Variants in ZNF385B observed in about 807,000 individuals in gnomAD.
ZNF385B encodes the protein zinc finger protein 533.
Under a neutral mutation model 39.2 loss-of-function variants are expected in ZNF385B, and 23 were observed. The ratio of observed to expected loss-of-function variants is 0.59; its 90% CI spans 0.42 to 0.83. The LOEUF (loss-of-function observed/expected upper bound fraction) is 0.83. Among genes scored for constraint, ZNF385B ranks in the 40% least tolerant of loss-of-function variants. The probability of loss-of-function intolerance (pLI) is 0.00; values close to 1 mark genes in which losing one functional copy is unlikely to be tolerated. For synonymous variants in ZNF385B, 205 were observed against 222.6 expected (o/e 0.92, Z 0.70); for missense variants, 552 against 598.9 (o/e 0.92, Z 0.82).
rs79614638 is a variant in ZNF385B, at chr2:179,604,798, A to G, written c.299-59829T>C. 8.4e-3 allele frequency among the ~76,000 whole-genome samples: 1,283 copies of G among 152,236 alleles called. 20 individuals carry two copies. The highest frequency in any genetic ancestry group is 0.03 in the African/African-American group (1,232 of 41,566). ...GTTTCTGGAGGGAATGTCTCCAACT[A>G]TATTTCCACAGAGTGCTATAACATT... On this transcript the variant is annotated intron_variant, in intron 3 of 9. Transcript: ENST00000410066.
At chr2:179,618,545 C>A (rs1013128988) in intron 3 of ZNF385B, among the ~76,000 whole-genome samples, 1 of 152,120 alleles carries the variant, frequency 6.6e-6, no homozygotes, top group Non-Finnish European at 1.5e-5. Context: ...TTTCTGGTAT[C>A]TTCTGGTTGA....
rs538487539 is a variant in ZNF385B at position 179,675,048 on chromosome 2, A to C, written c.298+94455T>G. 2.6e-5 allele frequency among the ~76,000 whole-genome samples: 4 copies of C among 152,272 alleles called. No homozygotes were observed. The East Asian group carries it at 7.7e-4, about 29-fold the overall frequency. On this transcript the variant is annotated intron_variant, in intron 3 of 9. Coordinates refer to ENST00000410066, the MANE Select transcript of ZNF385B (RefSeq NM_152520.6). Reference sequence around the variant, plus strand: ...GCAACCCCCATGCAGTCAAAAATTCACAAGTAACTTCAACTCCCAAAAATC... The same window carrying C: ...GCAACCCCCATGCAGTCAAAAATTCCCAAGTAACTTCAACTCCCAAAAATC...
At chr2:179,492,611 T>G (rs764491609) in intron 5 of ZNF385B, among the ~76,000 whole-genome samples, 7 of 152,138 alleles carry the variant, frequency 4.6e-5, no homozygotes, top group Non-Finnish European at 1.0e-4. Context: ...GCTCAGAGAA[T>G]TGGTTGACAA....
At chr2:179,711,197 G>A (rs574619709) in intron 3 of ZNF385B, among the ~76,000 whole-genome samples, 4 of 152,218 alleles carry the variant, frequency 2.6e-5, no homozygotes, top group South Asian at 2.1e-4. Flanking sequence ...ATTTACTCTC[G>A]CAATGTAACC....
chr2:179,792,296 T>C (rs1476315854), intron 1 of ZNF385B, among the ~76,000 whole-genome samples: 1 of 152,050 alleles, frequency 6.6e-6, no homozygotes, highest in African/African-American at 2.4e-5. Flanking sequence ...TGTGTGTGCC[T>C]TTTCTGAGTG....
chr2:179,507,563 A>C (rs1251103681), intron 5 of ZNF385B, among the ~76,000 whole-genome samples: 1 of 152,320 alleles, frequency 6.6e-6, no homozygotes, highest in Admixed American at 6.5e-5. Context: ...ATTTATAATT[A>C]AATTTATATT....
intron 4 of ZNF385B, among the ~76,000 whole-genome samples, chr2:179,540,514 T>C (rs368375691): frequency 2.6e-5 from 4 of 152,186 alleles, no homozygotes; most frequent in African/African-American, 9.6e-5. Context: ...ACCACAGTTT[T>C]CAGGAAAATA....
chr2:179,479,669 A>T (rs1436027917), intron 6 of ZNF385B, among the ~76,000 whole-genome samples: 1 of 151,958 alleles, frequency 6.6e-6, no homozygotes, highest in Non-Finnish European at 1.5e-5. Flanking sequence ...GTGAAACCCC[A>T]ACTCTACTAA....
chr2:179,546,358 A>G (rs2060234727), intron 3 of ZNF385B, among the ~76,000 whole-genome samples: 1 of 152,032 alleles, frequency 6.6e-6, no homozygotes. Flanking sequence ...TTTTGTACCT[A>G]TTAACCATTC....
At chr2:179,810,779 C>T (rs1209501188) in intron 1 of ZNF385B, among the ~76,000 whole-genome samples, 1 of 152,006 alleles carries the variant, frequency 6.6e-6, no homozygotes. Flanking sequence ...TTTTAACATG[C>T]CTCGGCCTTT....
intron 1 of ZNF385B, among the ~76,000 whole-genome samples, chr2:179,856,482 G>C (rs1354431852): frequency 6.6e-6 from 1 of 152,074 alleles, no homozygotes; most frequent in Non-Finnish European, 1.5e-5. Context: ...TCTCACCCTA[G>C]CAATAAGGAG....
intron 6 of ZNF385B, among the ~76,000 whole-genome samples, chr2:179,460,549 A>G (rs915044002): frequency 1.3e-5 from 2 of 152,206 alleles, no homozygotes; most frequent in Non-Finnish European, 2.9e-5. Context: ...ACAATCCCTT[A>G]CTGCTCAGAA....
chr2:179,616,097 A>C (rs1689711028), intron 3 of ZNF385B, among the ~76,000 whole-genome samples: 1 of 152,186 alleles, frequency 6.6e-6, no homozygotes, highest in African/African-American at 2.4e-5. Context: ...GTCTGGTTCA[A>C]ATCCTAGAGG....
At chr2:179,737,489 G>A (rs1221484164) in intron 3 of ZNF385B, among the ~76,000 whole-genome samples, 1 of 151,546 alleles carries the variant, frequency 6.6e-6, no homozygotes, top group East Asian at 1.9e-4. Context: ...CCTGTAATCC[G>A]GCTCCATATC....
chr2:179,514,777 GGTT>G (rs1288167999), intron 5 of ZNF385B, among the ~76,000 whole-genome samples: 1 of 38,460 alleles, frequency 2.6e-5, no homozygotes, highest in East Asian at 1.2e-3. Context: ...AATGTGTGGT[GGTT>G]TTTTTTTTTT....
chr2:179,738,178 C>T (rs1701882727), intron 3 of ZNF385B, among the ~76,000 whole-genome samples: 1 of 152,170 alleles, frequency 6.6e-6, no homozygotes, highest in Non-Finnish European at 1.5e-5. Context: ...TTCTTTATAT[C>T]AAGCAAAAAT....
At chr2:179,826,451 T>G (rs1707688446) in intron 1 of ZNF385B, among the ~76,000 whole-genome samples, 1 of 152,150 alleles carries the variant, frequency 6.6e-6, no homozygotes, top group Non-Finnish European at 1.5e-5. Context: ...TTCATTCCTT[T>G]TAGAATACTC....
chr2:179,579,236 C>G (rs6721295), intron 3 of ZNF385B, among the ~76,000 whole-genome samples: 11,935 of 152,066 alleles, frequency 0.078, 548 homozygotes, highest in Middle Eastern at 0.18. Context: ...TTTCAGTATA[C>G]CAAATTTCAA....
At chr2:179,607,539 C>T (rs1034058229) in intron 3 of ZNF385B, among the ~76,000 whole-genome samples, 27 of 152,230 alleles carry the variant, frequency 1.8e-4, no homozygotes, top group Middle Eastern at 6.8e-3. Flanking sequence ...TTATAAATTA[C>T]CCAGTCTCAG....
Sources: gnomAD v4.1 joint callset for allele counts (sites outside exome capture counted in the v4.1 genomes callset) on GRCh38, gnomAD v4.1.1 for gene constraint, MANE v1.5 for transcripts, NCBI Gene and HGNC (gene_info 2026-07-23, HGNC 2026-07-21) for gene names.